The following NFU1 variants were observed in gnomAD, a reference collection of about 807,000 sequenced individuals.
NFU1 encodes NFU1 iron-sulfur cluster scaffold, also known as NFU1 iron-sulfur cluster scaffold homolog, mitochondrial.
Under a neutral mutation model 32.2 loss-of-function variants are expected in NFU1, and 30 were observed. That is an observed-to-expected ratio of 0.93 (90% CI 0.70 to 1.26). The LOEUF (loss-of-function observed/expected upper bound fraction) is 1.26, where lower values mean the gene tolerates loss of function less well. Ranked by LOEUF, NFU1 falls within the 50% of genes most tolerant of loss-of-function variation. The pLI is 0.00. For missense variants in NFU1, 306 were observed against 306.6 expected, an observed-to-expected ratio of 1.00 and a Z score of 0.02; for synonymous variants, 112 against 104.6, an observed-to-expected ratio of 1.07 and a Z score of -0.43.
At chr2:69,426,192 G>A (rs1378895873) in intron 2 of NFU1, among the ~76,000 whole-genome samples, 1 of 151,924 alleles carries the variant, frequency 6.6e-6, no homozygotes, top group Non-Finnish European at 1.5e-5. Context: ...GGCTGGTCTT[G>A]AACTCCTGGC....
At chr2:69,407,063 T>C (rs976761720) in intron 5 of NFU1, among the ~76,000 whole-genome samples, 6 of 152,158 alleles carry the variant, frequency 3.9e-5, no homozygotes, top group African/African-American at 1.2e-4. Context: ...TCCCCAGCTA[T>C]GCTGAACTGT....
At chr2:69,437,484 G>A, upstream of NFU1, 1 of 1,573,984 alleles carries the variant, frequency 6.4e-7, no homozygotes, top group Non-Finnish European at 8.6e-7. Flanking sequence ...GCAGCCGCAG[G>A]CTGGCCGGTA....
chr2:69,432,061 TG>T (rs1673657693), intron 1 of NFU1, 56 bp from the exon 2 acceptor site: 1 of 1,180,164 alleles, frequency 8.5e-7, no homozygotes, highest in Non-Finnish European at 1.3e-6. Context: ...CTTTTAAAGT[TG>T]GTTTCTACTT....
intron 6 of NFU1, 63 bp downstream of exon 6, chr2:69,405,959 A>G: frequency 9.7e-7 from 1 of 1,030,742 alleles, no homozygotes; most frequent in Non-Finnish European, 1.5e-6. Context: ...AACTAAAACT[A>G]TATTGCTATA....
intron 2 of NFU1, 133 bp from the exon 3 acceptor site, chr2:69,423,850 GAC>G: frequency 1.4e-6 from 1 of 701,182 alleles, no homozygotes; most frequent in Admixed American, 2.5e-5. Context: ...TTATTGCCCT[GAC>G]AAAGCATTTA....
At chr2:69,398,119 T>C (rs1239343722) in intron 7 of NFU1, among the ~76,000 whole-genome samples, 2 of 152,152 alleles carry the variant, frequency 1.3e-5, no homozygotes, top group Non-Finnish European at 2.9e-5. Flanking sequence ...TATTCCTTAA[T>C]TTGGAATAAT....
intron 4 of NFU1, 62 bp from the exon 5 acceptor site, chr2:69,415,361 C>T (rs1473346721): frequency 1.1e-6 from 1 of 872,450 alleles, no homozygotes; most frequent in African/African-American, 1.7e-5. Context: ...ATACAGAACA[C>T]TACCTTATAC....
At chr2:69,416,409 A>C (rs1309362829) in intron 4 of NFU1, among the ~76,000 whole-genome samples, 2 of 149,382 alleles carry the variant, frequency 1.3e-5, no homozygotes, top group African/African-American at 4.9e-5. Context: ...CATTGTTTTA[A>C]TTTGATTTAA....
In NFU1 at chr2:69,423,290, A is replaced by ATG. The variant is rs1277149858; in HGVS notation, c.302+290_302+291dup. ...TGTGTGTGTGTGTGTGTGTGTGTGT[A>ATG]TGTGTGTGTGGTAGAGATGGAGTCT... On this transcript the variant is annotated intron_variant, in intron 3 of 7. Coordinates refer to ENST00000410022, the MANE Select transcript of NFU1 (RefSeq NM_001002755.4). 7.5e-5 allele frequency among the ~76,000 whole-genome samples: 5 copies of ATG among 66,326 alleles called. No individual in the cohort carries two copies. The East Asian group carries it at 2.6e-3, about 34-fold the overall frequency. 43.5% of individuals were successfully genotyped at this position (66,326 alleles called of 152,430 possible).
chr2:69,437,939 C>T (rs746153523), upstream of NFU1, among the ~76,000 whole-genome samples: 2 of 152,184 alleles, frequency 1.3e-5, no homozygotes, highest in African/African-American at 2.4e-5. Context: ...TGTCAGCTGC[C>T]ACTTGGTCAT....
chr2:69,396,113 T>G (rs1341940104), downstream of NFU1: 1 of 732,430 alleles, frequency 1.4e-6, no homozygotes, highest in African/African-American at 1.8e-5. Flanking sequence ...AAAGCAAACA[T>G]GCAATATTTA....
chr2:69,431,420 C>T (rs2104812577), intron 2 of NFU1, among the ~76,000 whole-genome samples: 1 of 152,282 alleles, frequency 6.6e-6, no homozygotes, highest in East Asian at 1.9e-4. Context: ...ATTCTCCCAC[C>T]TCAGCCTCCC....
At chr2:69,419,200 G>A (rs1673157492) in intron 4 of NFU1, among the ~76,000 whole-genome samples, 1 of 100,648 alleles carries the variant, frequency 9.9e-6, no homozygotes, top group Admixed American at 9.4e-5. Context: ...TGCAATCCCA[G>A]CTACTCAGGG....
rs750424685 is a variant in NFU1, at chr2:69,400,554, A to C, written c.546-16T>G. 2 of 1,611,096 alleles carry C rather than the reference A, an allele frequency of 1.2e-6. 1 individual carries two copies. Among genetic ancestry groups the C allele is most frequent in the Admixed American group, 3.3e-5 (2 of 59,978 alleles). On this transcript the variant is annotated splice_polypyrimidine_tract_variant and intron_variant, in intron 6 of 7. Transcript: ENST00000410022. ...CACAGTTGGCCTGTGAGGTCAAAGA[A>C]TATTTATGACATATTCTTTAAAATA...
chr2:69,435,189 C>G (rs1673789223), intron 1 of NFU1, among the ~76,000 whole-genome samples: 2 of 152,156 alleles, frequency 1.3e-5, no homozygotes, highest in South Asian at 4.1e-4. Context: ...TGGGAAAGGG[C>G]TATTATCATT....
At chr2:69,420,696 C>T (rs1673207512) in intron 3 of NFU1, among the ~76,000 whole-genome samples, 1 of 152,058 alleles carries the variant, frequency 6.6e-6, no homozygotes, top group Non-Finnish European at 1.5e-5. Context: ...CAAGTAACTT[C>T]TAGGGTAGGG....
intron 5 of NFU1, among the ~76,000 whole-genome samples, chr2:69,412,857 C>CAAA (rs375424451): frequency 1.1e-4 from 11 of 103,606 alleles, no homozygotes; most frequent in East Asian, 2.9e-4. Flanking sequence ...GTCACTGTCT[C>CAAA]AAAAAAAAAA....
intron 2 of NFU1, among the ~76,000 whole-genome samples, chr2:69,427,138 C>A (rs1397354190): frequency 6.6e-6 from 1 of 150,768 alleles, no homozygotes; most frequent in Non-Finnish European, 1.5e-5. Context: ...ATAATCCTAG[C>A]ACTTTGGGAG....
At chr2:69,402,051 C>A (rs886255918) in intron 6 of NFU1, among the ~76,000 whole-genome samples, 1 of 151,810 alleles carries the variant, frequency 6.6e-6, no homozygotes, top group African/African-American at 2.4e-5. Context: ...GCACCAATAC[C>A]CCCAGCTAAT....
Sources: allele counts gnomAD v4.1 joint callset (sites outside exome capture counted in the v4.1 genomes callset), GRCh38; gene constraint gnomAD v4.1.1; transcripts MANE v1.5; gene names NCBI Gene and HGNC (gene_info 2026-07-23, HGNC 2026-07-21).